Variants in KIF6 observed in about 807,000 individuals in gnomAD.
The protein encoded by KIF6 is kinesin family member 6, also known as kinesin-like protein KIF6.
A neutral mutation model predicts 112.7 loss-of-function variants in KIF6; 106 were observed. The ratio of observed to expected loss-of-function variants is 0.94; its 90% CI spans 0.80 to 1.11. The LOEUF (loss-of-function observed/expected upper bound fraction) is 1.11, where lower values mean the gene tolerates loss of function less well. KIF6 is among the 50% of genes least tolerant of loss of function. The pLI, the probability that KIF6 is intolerant of heterozygous loss-of-function variation, is 0.00. For synonymous variants in KIF6, 339 were observed against 339.9 expected, an observed-to-expected ratio of 1.00 and a Z score of 0.03; for missense variants, 929 against 964.0, an observed-to-expected ratio of 0.96 and a Z score of 0.48.
chr6:39,584,910 A>G lies in KIF6; in HGVS notation c.1065T>C (p.Ile355=). Residue 355 remains isoleucine (I), a synonymous_variant, in exon 9 of 23, where the codon ATT becomes ATC. Transcript: ENST00000287152. ...IKNEAVLNEE[I]NPRLVIKRLQ... The stretch of plus-strand genomic sequence containing the variant: ...AAAAGTTGCTTACTAATCTGGGGTT[A>G]ATTTCTTCATTAAGAACAGCTTCAT... 1 of 1,605,738 alleles carries G rather than the reference A, an allele frequency of 6.2e-7. No individual in the cohort carries two copies. Among genetic ancestry groups the G allele is most frequent in the Non-Finnish European group, 8.5e-7 (1 of 1,173,140 alleles).
chr6:39,689,576 G>A (rs1041246170), intron 3 of KIF6, among the ~76,000 whole-genome samples: 1 of 152,088 alleles, frequency 6.6e-6, no homozygotes, highest in South Asian at 2.1e-4. Flanking sequence ...CATGAATTCT[G>A]CTGTCATATA....
chr6:39,608,062 C>T (rs1782991413), intron 6 of KIF6, among the ~76,000 whole-genome samples: 1 of 152,138 alleles, frequency 6.6e-6, no homozygotes, highest in East Asian at 1.9e-4. Flanking sequence ...ACAGCTGTTC[C>T]TATAACTCAC....
intron 10 of KIF6, among the ~76,000 whole-genome samples, chr6:39,563,756 T>G (rs998350241): frequency 2.0e-5 from 3 of 152,200 alleles, no homozygotes; most frequent in African/African-American, 7.2e-5. Context: ...ACAAAGGACT[T>G]GCCCCAGGCC....
chr6:39,635,291 A>G (rs1047341565), intron 4 of KIF6, among the ~76,000 whole-genome samples: 1 of 152,072 alleles, frequency 6.6e-6, no homozygotes, highest in Non-Finnish European at 1.5e-5. Flanking sequence ...TCCAGACCAA[A>G]AAAGGTTACT....
At chr6:39,678,604 A>T (rs79918839) in intron 3 of KIF6, among the ~76,000 whole-genome samples, 103 of 152,332 alleles carry the variant, frequency 6.8e-4, no homozygotes, top group African/African-American at 2.5e-3. Flanking sequence ...AGAAAACTTC[A>T]TGGGTGTAGC....
intron 3 of KIF6, among the ~76,000 whole-genome samples, chr6:39,648,861 T>C (rs549481737): frequency 2.3e-4 from 35 of 152,280 alleles, no homozygotes; most frequent in African/African-American, 7.9e-4. Flanking sequence ...CTAGTTTAGA[T>C]ACTGTCCTTT....
chr6:39,436,669 T>G (rs1318964994), intron 13 of KIF6, among the ~76,000 whole-genome samples: 1 of 152,130 alleles, frequency 6.6e-6, no homozygotes, highest in Non-Finnish European at 1.5e-5. Flanking sequence ...CAAAGATCAG[T>G]TGGTTGTAAA....
chr6:39,494,707 G>GA (rs546183054), intron 13 of KIF6, among the ~76,000 whole-genome samples: 21 of 150,186 alleles, frequency 1.4e-4, no homozygotes, highest in Middle Eastern at 3.5e-3. Context: ...TTTTTAATAG[G>GA]AAAAAAAATC....
intron 15 of KIF6, among the ~76,000 whole-genome samples, chr6:39,393,213 A>T (rs1431000692): frequency 6.6e-6 from 1 of 152,214 alleles, no homozygotes; most frequent in Non-Finnish European, 1.5e-5. Context: ...AAGAGCATTT[A>T]CCACCCGCAG....
chr6:39,651,001 C>A (rs1438824298), intron 3 of KIF6, among the ~76,000 whole-genome samples: 1 of 151,984 alleles, frequency 6.6e-6, no homozygotes, highest in Non-Finnish European at 1.5e-5. Context: ...CCAAGATAAG[C>A]ATCTTTAAAT....
chr6:39,714,853 TA>T, intron 2 of KIF6, 87 bp from the exon 3 acceptor site: 1 of 878,138 alleles, frequency 1.1e-6, no homozygotes, highest in East Asian at 2.6e-5. Flanking sequence ...AAAGCTCTAT[TA>T]ATTACCCCAT....
intron 19 of KIF6, among the ~76,000 whole-genome samples, chr6:39,352,672 C>T (rs527928978): frequency 6.7e-5 from 10 of 149,696 alleles, no homozygotes; most frequent in Admixed American, 5.3e-4. Flanking sequence ...GGCTTGATCT[C>T]GGCTCACTGC....
chr6:39,596,134 G>T lies in KIF6; in HGVS notation c.766C>A (p.Arg256=). The change falls in exon 7 of 23, where the codon CGA becomes AGA. Residue 256 remains arginine (R), a synonymous_variant. Transcript: ENST00000287152. ...LHLVDLAGSE[R]VAKTGVGGHL... ...CCCCCTACTCCAGTCTTTGCAACTC[G>T]CTCTGAACCAGCCAGGTCAACCAGA... is the stretch of plus-strand genomic sequence containing the variant. 1 of 1,613,942 alleles carries T rather than the reference G, an allele frequency of 6.2e-7. No individual in the cohort carries two copies. Among genetic ancestry groups the T allele is most frequent in the Non-Finnish European group, 8.5e-7 (1 of 1,179,950 alleles).
chr6:39,338,767 G>C (rs1763160879), intron 22 of KIF6, among the ~76,000 whole-genome samples: 1 of 152,172 alleles, frequency 6.6e-6, no homozygotes, highest in African/African-American at 2.4e-5. Flanking sequence ...CAAGAGCTGG[G>C]GGCCCGTGGG....
intron 12 of KIF6, 65 bp downstream of exon 12, chr6:39,544,490 A>G (rs1053608328): frequency 6.6e-7 from 1 of 1,521,792 alleles, no homozygotes. Context: ...GGCTCAGGAA[A>G]GACTGCTGTT....
At chr6:39,481,349 C>T (rs1205410498) in intron 13 of KIF6, among the ~76,000 whole-genome samples, 2 of 152,052 alleles carry the variant, frequency 1.3e-5, no homozygotes, top group Non-Finnish European at 2.9e-5. Context: ...GTCTAAGAGG[C>T]ATGTGGATGT....
At chr6:39,642,033 G>A (rs577060068) in intron 3 of KIF6, among the ~76,000 whole-genome samples, 1 of 152,098 alleles carries the variant, frequency 6.6e-6, no homozygotes, top group Admixed American at 6.6e-5. Context: ...TTTGTCTCCA[G>A]TCCCTTCTGT....
At chr6:39,363,592 T>G (rs1765337575) in intron 16 of KIF6, among the ~76,000 whole-genome samples, 1 of 152,186 alleles carries the variant, frequency 6.6e-6, no homozygotes, top group South Asian at 2.1e-4. Flanking sequence ...CTCTTCGTGG[T>G]TGCCCTGCTT....
intron 6 of KIF6, among the ~76,000 whole-genome samples, chr6:39,602,071 T>C (rs918683552): frequency 2.6e-5 from 4 of 152,174 alleles, no homozygotes; most frequent in Non-Finnish European, 5.9e-5. Flanking sequence ...TATAAAATTT[T>C]AAATGCTATC....
Sources: allele counts gnomAD v4.1 joint callset (sites outside exome capture counted in the v4.1 genomes callset), GRCh38; gene constraint gnomAD v4.1.1; transcripts MANE v1.5; gene names NCBI Gene and HGNC (gene_info 2026-07-23, HGNC 2026-07-21).